The following THBS2 variants were observed in gnomAD, a reference collection of about 807,000 sequenced individuals.
THBS2 encodes the protein thrombospondin 2.
A neutral mutation model predicts 135.2 loss-of-function variants in THBS2; 47 were observed. The observed-to-expected ratio is 0.35, with a 90% CI of 0.28 to 0.44. The LOEUF (loss-of-function observed/expected upper bound fraction) is 0.44, where lower values mean the gene tolerates loss of function less well. Among genes scored for constraint, THBS2 ranks in the 20% least tolerant of loss-of-function variants. The pLI, the probability that THBS2 is intolerant of heterozygous loss-of-function variation, is 1.00. For missense variants in THBS2, 1,288 were observed against 1,603.1 expected (o/e 0.80, Z 3.36); for synonymous variants, 639 against 633.8 (o/e 1.01, Z -0.12).
intron 21 of THBS2, 51 bp from the exon 22 acceptor site, chr6:169,217,880 G>T (rs1262677295): frequency 1.9e-6 from 3 of 1,559,352 alleles, no homozygotes; most frequent in Non-Finnish European, 2.6e-6. Flanking sequence ...CTGGGCCATG[G>T]GTAGTGATTT....
Position 169,217,608 on chromosome 6 carries a change from A to G in THBS2, c.*214T>C. The stretch of plus-strand genomic sequence containing the variant: ...ATATATCACCAAACTGGTTTCCTCT[A>G]GTGGGTTAGATGTTCATCTCTGAGT... On this transcript the variant is annotated 3_prime_UTR_variant, in exon 22 of 22. Transcript: ENST00000617924. The G allele has an allele frequency of 2.0e-6, 1 of 506,724 alleles. No individual in the cohort carries two copies. 31.4% of individuals were successfully genotyped at this position (506,724 alleles called of 1,614,324 possible). A position where few individuals can be genotyped will look rare whatever the true frequency, so the allele number is the denominator to read the frequency against.
Position 169,248,694 on chromosome 6 carries a change from C to T in THBS2, c.332G>A (p.Arg111Lys), listed in dbSNP as rs1780648325. The T allele has an allele frequency of 1.9e-6, 3 of 1,613,884 alleles. No individual in the cohort carries two copies. The highest frequency in any genetic ancestry group is 1.7e-5 in the Admixed American group (1 of 60,002). Residue 111 changes from arginine to lysine, a missense_variant, in exon 3 of 22, where the codon AGG becomes AAG. By Grantham distance (26) the Arg-to-Lys change is conservative. This residue lies in a region of THBS2 where 414 missense variants were observed against 447.0 expected (regional missense o/e 0.93). Coordinates refer to ENST00000617924, the MANE Select transcript of THBS2 (RefSeq NM_003247.5). ...GCCGTTGGAGACGATCTCGAACTGCCTCTGGGAGAGACCGGGGCCCTCCAG... is the reference window on the plus strand; with the variant it reads ...GCCGTTGGAGACGATCTCGAACTGCTTCTGGGAGAGACCGGGGCCCTCCAG... Reference protein sequence around the residue: ...LALEGPGLSQRQFEIVSNGPA... With the variant: ...LALEGPGLSQKQFEIVSNGPA...
In THBS2 at chr6:169,252,215, G is replaced by A. The variant is rs1202564963; in HGVS notation, c.-22-1409C>T. 2.0e-5 allele frequency: 3 copies of A among 152,242 alleles called. No homozygotes were observed. The highest frequency in any genetic ancestry group is 4.4e-5 in the Non-Finnish European group (3 of 68,088). The allele number at this position is 152,242 out of a possible 1,614,324, so 9.4% of individuals were successfully genotyped here. ...AGGCAGCTGCAGTAATAATGGTGGT[G>A]CTGATAGGGCCTTTCTATGGAGCTC... On this transcript the variant is annotated intron_variant, in intron 1 of 21. Transcript: ENST00000617924. The surrounding 1 kb of genome is among the most constrained non-coding windows in gnomAD (Gnocchi z 4.3).
rs530264275 is a variant in THBS2 at position 169,224,241 on chromosome 6, T to G, written c.2774-766A>C. Among the ~76,000 whole-genome samples the G allele has an allele frequency of 3.9e-5, 6 of 152,352 alleles. No individual in the cohort carries two copies. In the South Asian group the frequency reaches 1.0e-3, roughly 26 times the overall value. ...CAGCTACCACGTGGCAGGCACATAG[T>G]TGGTATCAGGGCATTCTGAAATGCT... On this transcript the variant is annotated intron_variant, in intron 17 of 21. Transcript: ENST00000617924.
rs1780655544 is a variant in THBS2 at position 169,248,847 on chromosome 6, A to G, written c.179T>C (p.Phe60Ser). 1 of 1,611,282 alleles carries G rather than the reference A, an allele frequency of 6.2e-7. No individual in the cohort carries two copies. Among genetic ancestry groups the G allele is most frequent in the Admixed American group, 1.7e-5 (1 of 60,004 alleles). Residue 60 changes from phenylalanine (F) to serine (S), a missense_variant, in exon 3 of 22, where the codon TTT becomes TCT. Around this residue, in one of 2 missense-constraint regions of THBS2, gnomAD observed 414 missense variants for 447.0 expected, o/e 0.93. Coordinates refer to ENST00000617924, the MANE Select transcript of THBS2 (RefSeq NM_003247.5). The part of the protein sequence containing the change: ...PGVPAYRFVR[F>S]DYIPPVNADD... ...TGCGTTCACCGGTGGGATGTAGTCA[A>G]AGCGCACGAAGCGGTAAGCCGGCAC...
chr6:169,240,324 G>GA, intron 6 of THBS2, 128 bp downstream of exon 6: 1 of 1,313,236 alleles, frequency 7.6e-7, no homozygotes, highest in East Asian at 2.4e-5. Context: ...TTCTTACACT[G>GA]AAATTTCCTC....
At chr6:169,222,576 C>T (rs995207603) in intron 18 of THBS2, 108 bp from the exon 19 acceptor site, 2 of 1,248,340 alleles carry the variant, frequency 1.6e-6, no homozygotes, top group South Asian at 1.4e-5. Flanking sequence ...GGGCAGATCA[C>T]CTGAGGTCAA....
intron 21 of THBS2, among the ~76,000 whole-genome samples, chr6:169,219,249 G>C (rs1779324354): frequency 7.4e-6 from 1 of 134,560 alleles, no homozygotes; most frequent in African/African-American, 2.9e-5. Context: ...GGATTAGATG[G>C]ATAGGTGGAT....
intron 18 of THBS2, among the ~76,000 whole-genome samples, 192 bp from the exon 19 acceptor site, chr6:169,222,660 TG>T (rs1354114747): frequency 6.6e-6 from 1 of 152,004 alleles, no homozygotes; most frequent in East Asian, 1.9e-4. Flanking sequence ...CCGGGCATGG[TG>T]GTGGGTACCT....
chr6:169,218,459 T>G, intron 21 of THBS2, among the ~76,000 whole-genome samples: 1 of 98,288 alleles, frequency 1.0e-5, no homozygotes, highest in African/African-American at 4.3e-5. Flanking sequence ...CTGAGATGGA[T>G]GGATGGGATA....
chr6:169,232,548 C>T, intron 12 of THBS2, 116 bp downstream of exon 12: 2 of 1,485,350 alleles, frequency 1.3e-6, no homozygotes, highest in Non-Finnish European at 9.0e-7. Context: ...CCAGCCCCTC[C>T]CATGCCTCTC....
intron 1 of THBS2, among the ~76,000 whole-genome samples, chr6:169,251,330 T>A (rs190351468): frequency 6.6e-6 from 1 of 152,236 alleles, no homozygotes; most frequent in East Asian, 1.9e-4. Flanking sequence ...AAAAAAAAGT[T>A]ACAAATAAAC....
At position 169,246,187 on chromosome 6, in the gene THBS2, A is replaced by T. The variant is rs76393784; in HGVS notation, c.694+10T>A. On this transcript the variant is annotated intron_variant, in intron 4 of 21. Coordinates refer to ENST00000617924, the MANE Select transcript of THBS2 (RefSeq NM_003247.5). ...CAGTATATAAAATGCATTTTTCACA[A>T]CACACCTACCTCCCTGGCCTTGCTG... The T allele has an allele frequency of 3.5e-3, 5,691 of 1,613,432 alleles. 179 individuals carry two copies. The African/African-American group carries it at 0.066, about 19-fold the overall frequency.
intron 9 of THBS2, among the ~76,000 whole-genome samples, chr6:169,236,693 TC>T (rs1328897688): frequency 2.7e-5 from 3 of 110,950 alleles, no homozygotes; most frequent in Admixed American, 9.4e-5. Flanking sequence ...CCACACTCAT[TC>T]CCCCATAAAC....
In THBS2 at chr6:169,221,618, T is replaced by G. The variant is rs1165367142; in HGVS notation, c.3274-91A>C. 8.0e-6 allele frequency: 9 copies of G among 1,129,324 alleles called. No homozygotes were observed. In the African/African-American group the frequency reaches 1.4e-4, roughly 17 times the overall value. 70.0% of individuals were successfully genotyped at this position (1,129,324 alleles called of 1,614,324 possible). Reference sequence around the variant, plus strand: ...ACCAAGCAGGAAGCAAAAACATGACTTTGCAAGTTCATGCTTAAGGCTCAT... The same window carrying G: ...ACCAAGCAGGAAGCAAAAACATGACGTTGCAAGTTCATGCTTAAGGCTCAT... On this transcript the variant is annotated intron_variant, in intron 19 of 21. Coordinates refer to ENST00000617924, the MANE Select transcript of THBS2 (RefSeq NM_003247.5).
Position 169,216,643 on chromosome 6 carries a change from T to C in THBS2, c.*1179A>G, listed in dbSNP as rs527948549. On this transcript the variant is annotated 3_prime_UTR_variant, in exon 22 of 22. Coordinates refer to ENST00000617924, the MANE Select transcript of THBS2 (RefSeq NM_003247.5). Reference sequence around the variant, plus strand: ...TAAACTCCTCATTATTCTCTATGTATTCTGTTACAGCTTCTAGCATGCTTC... The same window carrying C: ...TAAACTCCTCATTATTCTCTATGTACTCTGTTACAGCTTCTAGCATGCTTC... 1 of 152,288 alleles carries C rather than the reference T, an allele frequency of 6.6e-6. No homozygotes were observed. Among genetic ancestry groups the C allele is most frequent in the East Asian group, 1.9e-4 (1 of 5,186 alleles). 9.4% of individuals were successfully genotyped at this position (152,288 alleles called of 1,614,324 possible).
intron 13 of THBS2, among the ~76,000 whole-genome samples, chr6:169,229,881 A>T (rs1158292995): frequency 6.6e-6 from 1 of 152,136 alleles, no homozygotes; most frequent in Non-Finnish European, 1.5e-5. Context: ...AAATTATGTC[A>T]CCACTACTCA....
At chr6:169,243,048 T>G (rs1334568247) in intron 4 of THBS2, among the ~76,000 whole-genome samples, 7 of 100,714 alleles carry the variant, frequency 7.0e-5, no homozygotes, top group Admixed American at 6.4e-4. Context: ...GCTCCCACCT[T>G]CCCACCTTCC....
At chr6:169,222,543 C>T (rs59244158) in intron 18 of THBS2, 75 bp from the exon 19 acceptor site, 6 of 1,523,990 alleles carry the variant, frequency 3.9e-6, no homozygotes, top group Non-Finnish European at 5.4e-6. Context: ...GCCTGTAATC[C>T]CAGCACTTTG....
Sources: allele counts gnomAD v4.1 joint callset (sites outside exome capture counted in the v4.1 genomes callset), GRCh38; gene constraint gnomAD v4.1.1; regional missense constraint gnomAD v4.1.1; non-coding constraint Gnocchi (gnomAD v3.1); transcripts MANE v1.5; gene names NCBI Gene and HGNC (gene_info 2026-07-23, HGNC 2026-07-21).